DLGAP2: variants seen among roughly 807,000 people sequenced by gnomAD.
The protein encoded by DLGAP2 is DLG associated protein 2.
DLGAP2 carries 26 observed loss-of-function variants against 100.3 expected under a neutral mutation model. The observed-to-expected ratio is 0.26, with a 90% confidence interval of 0.19 to 0.36. The LOEUF is 0.36. DLGAP2 is among the 10% of genes least tolerant of loss of function. The pLI is 1.00. For missense variants in DLGAP2, 1,858 were observed against 1,453.2 expected (o/e 1.28, Z -4.53); for synonymous variants, 886 against 630.1 (o/e 1.41, Z -6.08).
intron 3 of DLGAP2, among the ~76,000 whole-genome samples, chr8:1,295,120 T>C (rs1800141919): frequency 6.6e-6 from 1 of 152,180 alleles, no homozygotes; most frequent in Non-Finnish European, 1.5e-5. Context: ...CAGTGGGGAC[T>C]GTGGGCTGTT....
intron 1 of DLGAP2, among the ~76,000 whole-genome samples, chr8:846,621 A>G (rs1797076011): frequency 6.6e-6 from 1 of 152,212 alleles, no homozygotes; most frequent in Admixed American, 6.5e-5. Flanking sequence ...TCTCTTTGAC[A>G]CTAACTTTAT....
intron 8 of DLGAP2, among the ~76,000 whole-genome samples, chr8:1,634,987 G>A (rs754992998): frequency 6.6e-6 from 1 of 152,118 alleles, no homozygotes; most frequent in African/African-American, 2.4e-5. Flanking sequence ...TTTCCTCTAG[G>A]TGATGCAGGG....
intron 3 of DLGAP2, among the ~76,000 whole-genome samples, chr8:1,279,825 C>A (rs965650411): frequency 6.6e-6 from 1 of 152,202 alleles, no homozygotes; most frequent in East Asian, 1.9e-4. Flanking sequence ...CACCCACTCA[C>A]GGGAGGGACA....
At chr8:995,650 C>G (rs1800763624) in intron 2 of DLGAP2, among the ~76,000 whole-genome samples, 1 of 152,202 alleles carries the variant, frequency 6.6e-6, no homozygotes, top group African/African-American at 2.4e-5. Context: ...TATTCAAGAT[C>G]TAAGATGGCT....
intron 2 of DLGAP2, among the ~76,000 whole-genome samples, chr8:919,419 G>A (rs1798662131): frequency 6.6e-6 from 1 of 152,170 alleles, no homozygotes; most frequent in Non-Finnish European, 1.5e-5. Context: ...CGTGAGTGGG[G>A]AAGGGAAGCT....
intron 1 of DLGAP2, among the ~76,000 whole-genome samples, chr8:757,257 G>A (rs964363571): frequency 6.6e-6 from 1 of 152,124 alleles, no homozygotes; most frequent in Non-Finnish European, 1.5e-5. Flanking sequence ...TTAGCAGTGA[G>A]TTATCCACTT....
chr8:1,641,499 C>A (rs954196933), intron 8 of DLGAP2, among the ~76,000 whole-genome samples: 2 of 152,134 alleles, frequency 1.3e-5, no homozygotes, highest in African/African-American at 4.8e-5. Flanking sequence ...CTTGTCTAGA[C>A]GAATTAATCA....
intron 1 of DLGAP2, among the ~76,000 whole-genome samples, chr8:797,896 G>T (rs544894887): frequency 1.3e-5 from 2 of 152,028 alleles, no homozygotes; most frequent in African/African-American, 4.8e-5. Flanking sequence ...GATTACAGGC[G>T]CCTGCCACCA....
At chr8:890,956 C>G (rs1409781326) in intron 1 of DLGAP2, among the ~76,000 whole-genome samples, 1 of 152,180 alleles carries the variant, frequency 6.6e-6, no homozygotes, top group Non-Finnish European at 1.5e-5. Flanking sequence ...CTGGCTCCCC[C>G]TTGTCCTCAC....
chr8:1,662,449 G>T (rs1798429728), intron 8 of DLGAP2, among the ~76,000 whole-genome samples: 1 of 152,194 alleles, frequency 6.6e-6, no homozygotes, highest in Non-Finnish European at 1.5e-5. Flanking sequence ...AGTGGGCAAG[G>T]ATTCTGACGT....
At chr8:1,364,160 G>A (rs1041256166) in intron 3 of DLGAP2, among the ~76,000 whole-genome samples, 1 of 152,160 alleles carries the variant, frequency 6.6e-6, no homozygotes, top group Non-Finnish European at 1.5e-5. Flanking sequence ...TCCTCCCACT[G>A]GATGACATGT....
chr8:1,392,508 C>G (rs977016769), intron 3 of DLGAP2, among the ~76,000 whole-genome samples: 5 of 152,232 alleles, frequency 3.3e-5, no homozygotes, highest in African/African-American at 1.2e-4. Flanking sequence ...TGCTGTGCCT[C>G]ATTGCCGAGT....
chr8:1,356,077 A>C (rs983296229), intron 3 of DLGAP2, among the ~76,000 whole-genome samples: 1 of 152,196 alleles, frequency 6.6e-6, no homozygotes, highest in Non-Finnish European at 1.5e-5. Flanking sequence ...ACACTACGCC[A>C]GCCAGTGCAG....
chr8:1,172,105 C>T (rs1797141274), intron 2 of DLGAP2, among the ~76,000 whole-genome samples: 1 of 151,722 alleles, frequency 6.6e-6, no homozygotes, highest in African/African-American at 2.4e-5. Context: ...TCAGCATTTG[C>T]TTGTCTGTAA....
At chr8:1,280,866 C>T (rs996412137) in intron 3 of DLGAP2, among the ~76,000 whole-genome samples, 1 of 152,214 alleles carries the variant, frequency 6.6e-6, no homozygotes, top group South Asian at 2.1e-4. Context: ...ATCTTCAGGT[C>T]TATCCCTGAA....
intron 3 of DLGAP2, among the ~76,000 whole-genome samples, chr8:1,269,797 C>T (rs1213047452): frequency 6.6e-6 from 1 of 152,136 alleles, no homozygotes; most frequent in African/African-American, 2.4e-5. Flanking sequence ...TAGACACTGA[C>T]ATTGTATTTT....
chr8:1,288,190 AGTGTGTGT>A lies in DLGAP2; in HGVS notation c.106+29327_106+29334del, dbSNP rs1179699312. 9.8e-3 allele frequency among the ~76,000 whole-genome samples: 922 copies of A among 93,632 alleles called. 15 individuals are homozygous for A. The highest frequency in any genetic ancestry group is 0.039 in the African/African-American group (866 of 22,178). The allele number at this position is 93,632 out of a possible 152,430, so 61.4% of individuals were successfully genotyped here. A position where few individuals can be genotyped will look rare whatever the true frequency, so the allele number is the denominator to read the frequency against. On this transcript the variant is annotated intron_variant, in intron 3 of 14. Coordinates refer to ENST00000637795, the MANE Select transcript of DLGAP2 (RefSeq NM_001346810.2). ...TTAGGAGGGGAACTAGTTTCGGTTG[AGTGTGTGT>A]GTGTGTGTGTGTGTGTGTGGTTAGG...
intron 3 of DLGAP2, among the ~76,000 whole-genome samples, chr8:1,360,389 G>T (rs1055136555): frequency 1.3e-5 from 2 of 152,126 alleles, no homozygotes; most frequent in Admixed American, 6.5e-5. Context: ...CGCTGCGTCT[G>T]TCTGAGCCTG....
intron 3 of DLGAP2, among the ~76,000 whole-genome samples, chr8:1,270,561 T>C (rs567211243): frequency 1.6e-4 from 25 of 152,300 alleles, no homozygotes; most frequent in African/African-American, 5.5e-4. Flanking sequence ...ACCACTGTCT[T>C]AACCTCTTTG....
Sources: allele counts gnomAD v4.1 joint callset (sites outside exome capture counted in the v4.1 genomes callset), GRCh38; gene constraint gnomAD v4.1.1; transcripts MANE v1.5; gene names NCBI Gene and HGNC (gene_info 2026-07-23, HGNC 2026-07-21).